FKBP5: variants seen among roughly 807,000 people sequenced by gnomAD.
FKBP5 encodes peptidyl-prolyl cis-trans isomerase FKBP5.
FKBP5 carries 23 observed loss-of-function variants against 50.5 expected under a neutral mutation model. That is an observed-to-expected ratio of 0.46 (90% CI 0.33 to 0.65). FKBP5 has a LOEUF of 0.65. FKBP5 is among the 30% of genes least tolerant of loss of function. The pLI is 0.02. For synonymous variants in FKBP5, 176 were observed against 190.6 expected, an observed-to-expected ratio of 0.92 and a Z score of 0.63; for missense variants, 411 against 553.1, an observed-to-expected ratio of 0.74 and a Z score of 2.58.
At chr6:35,601,973 G>A (rs1049026975) in intron 5 of FKBP5, among the ~76,000 whole-genome samples, 3 of 152,154 alleles carry the variant, frequency 2.0e-5, no homozygotes, top group African/African-American at 4.8e-5. Context: ...AAGCTTAGCT[G>A]CGCAATCGGA....
At chr6:35,579,414 A>T (rs1762350641) in intron 9 of FKBP5, among the ~76,000 whole-genome samples, 1 of 152,134 alleles carries the variant, frequency 6.6e-6, no homozygotes, top group Non-Finnish European at 1.5e-5. Flanking sequence ...CTGAGACCAG[A>T]TACCTAAAAT....
intron 3 of FKBP5, among the ~76,000 whole-genome samples, chr6:35,620,948 TAG>T (rs1581823721): frequency 6.6e-6 from 1 of 151,776 alleles, no homozygotes; most frequent in East Asian, 1.9e-4. Flanking sequence ...TATTGAAAAA[TAG>T]AGTGTGTCCT....
intron 3 of FKBP5, among the ~76,000 whole-genome samples, chr6:35,624,794 T>C (rs1007961818): frequency 1.3e-5 from 2 of 152,162 alleles, no homozygotes; most frequent in African/African-American, 4.8e-5. Context: ...ACACTCTTAC[T>C]GAGATACTCC....
At chr6:35,646,215 G>A (rs1361118866) in intron 1 of FKBP5, among the ~76,000 whole-genome samples, 2 of 152,218 alleles carry the variant, frequency 1.3e-5, no homozygotes, top group Non-Finnish European at 2.9e-5. Flanking sequence ...TAGGCAACCT[G>A]TATAAGCTGA....
intron 1 of FKBP5, among the ~76,000 whole-genome samples, chr6:35,656,940 G>A (rs1214777383): frequency 2.0e-5 from 3 of 149,756 alleles, no homozygotes; most frequent in Admixed American, 2.0e-4. Flanking sequence ...AGCCGGGCAC[G>A]GTGGCTCACG....
At chr6:35,722,016 C>T (rs12206670) in intron 1 of FKBP5, among the ~76,000 whole-genome samples, 21,452 of 152,164 alleles carry the variant, frequency 0.14, 1,798 homozygotes, top group Non-Finnish European at 0.18. Context: ...GTTAACGTGA[C>T]TAGTTTATTC....
At chr6:35,652,629 C>A (rs1389755005) in intron 1 of FKBP5, among the ~76,000 whole-genome samples, 1 of 152,146 alleles carries the variant, frequency 6.6e-6, no homozygotes, top group Admixed American at 6.5e-5. Flanking sequence ...ATCTCAAAAC[C>A]CTGTCTCCTG....
At chr6:35,606,530 G>C (rs759809795) in intron 5 of FKBP5, among the ~76,000 whole-genome samples, 1 of 151,404 alleles carries the variant, frequency 6.6e-6, no homozygotes, top group Non-Finnish European at 1.5e-5. Flanking sequence ...CGTGGTGGTG[G>C]GCGCCTGTAG....
intron 7 of FKBP5, among the ~76,000 whole-genome samples, chr6:35,589,104 ATATTTTTATATATATATATATATATT>A (rs1762718489): frequency 3.9e-5 from 5 of 126,794 alleles, no homozygotes; most frequent in South Asian, 2.3e-4. Context: ...ATATATATAT[ATATTTTTATATATATATATATATATT>A]TTTTTTTTTT....
intron 6 of FKBP5, among the ~76,000 whole-genome samples, 156 bp downstream of exon 6, chr6:35,597,092 G>A (rs1449486865): frequency 1.3e-5 from 2 of 152,094 alleles, no homozygotes; most frequent in Non-Finnish European, 2.9e-5. Flanking sequence ...ATATTGTAAG[G>A]CCCATTAATT....
chr6:35,614,991 C>T (rs1238178378), intron 5 of FKBP5, among the ~76,000 whole-genome samples: 1 of 151,922 alleles, frequency 6.6e-6, no homozygotes, highest in Non-Finnish European at 1.5e-5. Context: ...GGCGTGGTGG[C>T]AGGCACCTGT....
upstream of FKBP5, among the ~76,000 whole-genome samples, chr6:35,693,508 CCCTT>C (rs112619630): frequency 5.9e-3 from 877 of 148,370 alleles, 12 homozygotes; most frequent in African/African-American, 0.02. Flanking sequence ...GGCCCTCCCT[CCCTT>C]CTTTCTTTCT....
At chr6:35,666,672 C>G (rs181586944) in intron 1 of FKBP5, among the ~76,000 whole-genome samples, 1 of 152,032 alleles carries the variant, frequency 6.6e-6, no homozygotes, top group Non-Finnish European at 1.5e-5. Flanking sequence ...AGGCGGATCA[C>G]GAGTTCAAGA....
At chr6:35,708,756 T>TTTTG (rs932692689) in intron 2 of FKBP5, among the ~76,000 whole-genome samples, 18 of 152,072 alleles carry the variant, frequency 1.2e-4, no homozygotes, top group African/African-American at 2.2e-4. Context: ...TTGTTAATGT[T>TTTTG]TTTGTTTGTT....
Position 35,620,407 on chromosome 6 carries a change from A to G in FKBP5, c.251-133T>C, listed in dbSNP as rs189202652. 8.4e-5 allele frequency: 69 copies of G among 825,444 alleles called. No individual in the cohort carries two copies. In the East Asian group the frequency reaches 1.7e-3, roughly 21 times the overall value. 51.1% of individuals were successfully genotyped at this position (825,444 alleles called of 1,614,324 possible). On this transcript the variant is annotated intron_variant, in intron 3 of 10. Transcript: ENST00000357266. ...TAGAAAGTATGGGCTACAAGATGAC[A>G]GAGTGCTACATACAAATAAATAAAT...
chr6:35,649,047 C>G (rs140718968), intron 1 of FKBP5, among the ~76,000 whole-genome samples: 2 of 151,970 alleles, frequency 1.3e-5, no homozygotes, highest in African/African-American at 4.8e-5. Context: ...GTCAGGAGAT[C>G]GAGACCATCC....
intron 6 of FKBP5, among the ~76,000 whole-genome samples, chr6:35,596,498 C>G (rs1195382992): frequency 1.3e-5 from 2 of 152,138 alleles, no homozygotes; most frequent in East Asian, 1.9e-4. Context: ...CTCAGTAACT[C>G]AGAATCCCAC....
intron 2 of FKBP5, among the ~76,000 whole-genome samples, chr6:35,709,034 T>C (rs1283976740): frequency 6.6e-6 from 1 of 152,202 alleles, no homozygotes; most frequent in Non-Finnish European, 1.5e-5. Context: ...TGATAGATAT[T>C]ATATTAGTCT....
intron 8 of FKBP5, chr6:35,583,615 T>C: frequency 1.0e-6 from 1 of 956,922 alleles, no homozygotes; most frequent in Non-Finnish European, 1.2e-6. Context: ...TCTGGAGGCA[T>C]TTTTAGTTGT....
Sources: allele counts gnomAD v4.1 joint callset (sites outside exome capture counted in the v4.1 genomes callset), GRCh38; gene constraint gnomAD v4.1.1; transcripts MANE v1.5; gene names NCBI Gene and HGNC (gene_info 2026-07-23, HGNC 2026-07-21).